The following TMEM8B variants were observed in gnomAD, a reference collection of about 807,000 sequenced individuals.
TMEM8B encodes the protein nasopharyngeal carcinoma expressed 6.
In TMEM8B, 29 loss-of-function variants were observed where a neutral mutation model predicts 49.3. That is an observed-to-expected ratio of 0.59 (90% confidence interval 0.44 to 0.80). TMEM8B has a LOEUF of 0.80. Ranked by LOEUF, TMEM8B falls within the 30% of genes least tolerant of loss-of-function variation. The probability of loss-of-function intolerance (pLI) is 0.00; values close to 1 mark genes in which losing one functional copy is unlikely to be tolerated. For missense variants in TMEM8B, 575 were observed against 658.5 expected (o/e 0.87, Z 1.39); for synonymous variants, 264 against 272.8 (o/e 0.97, Z 0.32).
intron 10 of TMEM8B, 167 bp downstream of exon 10, chr9:35,847,162 G>C: frequency 6.2e-7 from 1 of 1,607,378 alleles, no homozygotes. Context: ...ATAGATAATG[G>C]TCATTTTTGT....
chr9:35,835,458 G>A lies in TMEM8B; in HGVS notation c.906+240G>A, dbSNP rs1383318037. The stretch of plus-strand genomic sequence containing the variant: ...TGGGTCCAGGTAAGCTGAAGGGAAA[G>A]TTGAGAATCTGGAGTCAGAGGCTCT... On this transcript the variant is annotated intron_variant, in intron 3 of 12. Transcript: ENST00000643932. 1.1e-5 allele frequency: 4 copies of A among 369,650 alleles called. No individual in the cohort carries two copies. The East Asian group carries it at 1.6e-4, about 15-fold the overall frequency. 22.9% of individuals were successfully genotyped at this position (369,650 alleles called of 1,614,324 possible).
intron 10 of TMEM8B, among the ~76,000 whole-genome samples, chr9:35,851,381 G>A (rs1162157312): frequency 1.3e-5 from 2 of 152,172 alleles, no homozygotes; most frequent in East Asian, 1.9e-4. Flanking sequence ...CTGGGCTCAA[G>A]TGATCTGCCC....
Position 35,842,419 on chromosome 9 carries a change from C to A in TMEM8B, c.1337C>A (p.Ala446Asp). The A allele has an allele frequency of 6.5e-7, 1 of 1,545,002 alleles. No homozygotes were observed. Among genetic ancestry groups the A allele is most frequent in the Non-Finnish European group, 8.7e-7 (1 of 1,143,308 alleles). Residue 446 changes from alanine (A) to aspartate (D), a missense_variant, in exon 6 of 13, where the codon GCC becomes GAC. Transcript: ENST00000643932. The surrounding 1 kb of genome is among the most constrained non-coding windows in gnomAD (Gnocchi z 5.6). ...QECPQPGLLR[A>D]LVPGAAMNMP... Reference sequence around the variant, plus strand: ...TGCCCACAGCCCGGCCTGCTCCGAGCCCTGGTCCCTGGAGCTGCCATGAAC... The same window carrying A: ...TGCCCACAGCCCGGCCTGCTCCGAGACCTGGTCCCTGGAGCTGCCATGAAC...
At chr9:35,845,325 A>G (rs1211099949) in intron 6 of TMEM8B, 1 of 890,826 alleles carries the variant, frequency 1.1e-6, no homozygotes, top group Non-Finnish European at 1.3e-6. Context: ...AGTTTCCCTC[A>G]GGCATTTATT....
Position 35,863,967 on chromosome 9 carries a change from G to A in TMEM8B, c.*10127G>A, listed in dbSNP as rs961591272. 1 of 152,238 alleles carries A rather than the reference G, an allele frequency of 6.6e-6. No homozygotes were observed. Among genetic ancestry groups the A allele is most frequent in the African/African-American group, 2.4e-5 (1 of 41,442 alleles). 9.4% of individuals were successfully genotyped at this position (152,238 alleles called of 1,614,324 possible). ...CTCGGTCATGGCCTGGAAGATCAGA[G>A]TCACAGAGGGATAGGACCTGGAGTG... On this transcript the variant is annotated 3_prime_UTR_variant, in exon 13 of 13. Coordinates refer to ENST00000643932, the MANE Select transcript of TMEM8B (RefSeq NM_001042590.4).
intron 1 of TMEM8B, among the ~76,000 whole-genome samples, chr9:35,831,326 A>G (rs760681532): frequency 1.3e-5 from 2 of 152,172 alleles, no homozygotes; most frequent in African/African-American, 2.4e-5. Flanking sequence ...TGGCCCATGT[A>G]CATTCCTCTT....
rs10699262 is a variant in TMEM8B, at chr9:35,854,675, T to TG, written c.*835_*836insG. The TG allele has an allele frequency of 1.3e-5, 2 of 151,968 alleles. No individual in the cohort carries two copies. Among genetic ancestry groups the TG allele is most frequent in the Non-Finnish European group, 2.9e-5 (2 of 68,012 alleles). 9.4% of individuals were successfully genotyped at this position (151,968 alleles called of 1,614,324 possible). A position where few individuals can be genotyped will look rare whatever the true frequency, so the allele number is the denominator to read the frequency against. ...AGGGGTGTGTGTGTGTGTGTGTGTGTTTATGTATGTATACGTATGCTGAGA... is the reference window on the plus strand; with the variant it reads ...AGGGGTGTGTGTGTGTGTGTGTGTGTGTTATGTATGTATACGTATGCTGAGA... On this transcript the variant is annotated 3_prime_UTR_variant, in exon 13 of 13. Transcript: ENST00000643932.
At chr9:35,839,445 C>T (rs1040665762) in intron 3 of TMEM8B, among the ~76,000 whole-genome samples, 7 of 152,164 alleles carry the variant, frequency 4.6e-5, no homozygotes, top group South Asian at 2.1e-4. Flanking sequence ...CACTGGGTGA[C>T]GGTTCCCTGC....
chr9:35,847,461 C>T (rs765613947), intron 10 of TMEM8B, among the ~76,000 whole-genome samples: 3 of 152,222 alleles, frequency 2.0e-5, no homozygotes, highest in Non-Finnish European at 2.9e-5. Flanking sequence ...TCCCCTTCTC[C>T]GTCGCACTGG....
chr9:35,836,488 C>T (rs1486011952), intron 3 of TMEM8B, among the ~76,000 whole-genome samples: 2 of 152,240 alleles, frequency 1.3e-5, no homozygotes, highest in Non-Finnish European at 2.9e-5. Context: ...TGAAGCCTGG[C>T]TCTAGTTATC....
At chr9:35,833,423 C>T (rs1334044308) in intron 1 of TMEM8B, 13 of 958,408 alleles carry the variant, frequency 1.4e-5, no homozygotes, top group Non-Finnish European at 1.6e-5. Flanking sequence ...GAGACCTTGC[C>T]TGCCATTTGG....
In TMEM8B at chr9:35,841,558, C is replaced by T. The variant is rs1830989393; in HGVS notation, c.1073C>T (p.Ser358Leu). The T allele has an allele frequency of 2.4e-6, 1 of 417,034 alleles. No homozygotes were observed. The highest frequency in any genetic ancestry group is 3.6e-5 in the East Asian group (1 of 28,096). The allele number at this position is 417,034 out of a possible 1,614,324, so 25.8% of individuals were successfully genotyped here. Residue 358 changes from serine to leucine, a missense_variant, in exon 5 of 13, where the codon TCA becomes TTA. Physicochemically the swap from Ser to Leu is moderately radical, Grantham distance 145. Transcript: ENST00000643932. This position sits in a 1 kb window ranked among gnomAD's most constrained non-coding sequence, Gnocchi z 5.9. ...VFVPSFTYRVSAQLVCVGGRG... is the reference protein window; with the variant it reads ...VFVPSFTYRVLAQLVCVGGRG... ...GTGCCCAGCTTCACTTACAGGGTTT[C>T]AGCACAGCTGGTGTGTGTGGGGGGC...
At position 35,846,301 on chromosome 9, in the gene TMEM8B, G is replaced by C. The variant is rs2132341455; in HGVS notation, c.1773G>C (p.Arg591Ser). The change falls in exon 8 of 13, where the codon AGG (arginine) becomes AGC (serine). Residue 591 changes from arginine (R) to serine (S), a missense_variant. Physicochemically the swap from Arg to Ser is moderately radical, Grantham distance 110 (BLOSUM62 -1). Coordinates refer to ENST00000643932, the MANE Select transcript of TMEM8B (RefSeq NM_001042590.4). ...GFLLSVSATT[R>S]VARLRIPFPQ... is the part of the protein sequence containing the mutation. Reference sequence around the variant, plus strand: ...TCCTCTCTGTCAGTGCCACCACCAGGGTTGCCAGGCTGCGAATCCCATTCC... The same window carrying C: ...TCCTCTCTGTCAGTGCCACCACCAGCGTTGCCAGGCTGCGAATCCCATTCC... 1 of 1,614,226 alleles carries C rather than the reference G, an allele frequency of 6.2e-7. No individual in the cohort carries two copies. The highest frequency in any genetic ancestry group is 2.2e-5 in the East Asian group (1 of 44,884).
In TMEM8B at chr9:35,853,911, T is replaced by C; in HGVS notation, c.*71T>C. 1 of 1,469,306 alleles carries C rather than the reference T, an allele frequency of 6.8e-7. No individual in the cohort carries two copies. The allele number at this position is 1,469,306 out of a possible 1,614,324, so 91.0% of individuals were successfully genotyped here. On this transcript the variant is annotated 3_prime_UTR_variant, in exon 13 of 13. Coordinates refer to ENST00000643932, the MANE Select transcript of TMEM8B (RefSeq NM_001042590.4). This position sits in a 1 kb window ranked among gnomAD's most constrained non-coding sequence, Gnocchi z 4.2. Reference sequence around the variant, plus strand: ...AGTTCTTTCTGGGGGTGTGGAGCCCTCTTAGAAGGAGACAGGCTGTATTTC... The same window carrying C: ...AGTTCTTTCTGGGGGTGTGGAGCCCCCTTAGAAGGAGACAGGCTGTATTTC...
At position 35,829,255 on chromosome 9, in the gene TMEM8B, C is replaced by A. The variant is rs1829578790; in HGVS notation, c.-193C>A. The stretch of plus-strand genomic sequence containing the variant: ...GCCGACGTCAAGTCGAGGCCGCCGC[C>A]GCGGGGCCTGGTTATCGCCGGTTCA... On this transcript the variant is annotated 5_prime_UTR_variant, in exon 1 of 13. Coordinates refer to ENST00000643932, the MANE Select transcript of TMEM8B (RefSeq NM_001042590.4). 1 of 353,172 alleles carries A rather than the reference C, an allele frequency of 2.8e-6. No homozygotes were observed. Among genetic ancestry groups the A allele is most frequent in the Non-Finnish European group, 5.1e-6 (1 of 196,070 alleles). The allele number at this position is 353,172 out of a possible 1,614,324, so 21.9% of individuals were successfully genotyped here.
At chr9:35,843,113 A>G (rs1308500232) in intron 6 of TMEM8B, among the ~76,000 whole-genome samples, 1 of 152,190 alleles carries the variant, frequency 6.6e-6, no homozygotes, top group Non-Finnish European at 1.5e-5. Flanking sequence ...TCCCATCAAA[A>G]TCTGTCTCCA....
intron 1 of TMEM8B, among the ~76,000 whole-genome samples, chr9:35,832,867 G>T (rs1830051115): frequency 1.3e-5 from 2 of 152,168 alleles, no homozygotes; most frequent in Admixed American, 6.5e-5. Context: ...TCTTCCATCA[G>T]TCGGTCCCAT....
chr9:35,858,384 CCT>C lies in TMEM8B; in HGVS notation c.*4545_*4546del, dbSNP rs1832590163. 2.0e-5 allele frequency: 3 copies of C among 152,488 alleles called. No individual in the cohort carries two copies. In the South Asian group the frequency reaches 6.2e-4, roughly 32 times the overall value. 9.4% of individuals were successfully genotyped at this position (152,488 alleles called of 1,614,324 possible). On this transcript the variant is annotated 3_prime_UTR_variant, in exon 13 of 13. Transcript: ENST00000643932. ...GGGATTACAGGTATGAGCCACCACA[CCT>C]GGCCCACTTTTGCCTTCCAAATCAC... is the stretch of plus-strand genomic sequence containing the variant.
chr9:35,857,636 A>G lies in TMEM8B; in HGVS notation c.*3796A>G, dbSNP rs977099662. The G allele has an allele frequency of 1.6e-4, 24 of 152,342 alleles. No homozygotes were observed. Among genetic ancestry groups the G allele is most frequent in the African/African-American group, 5.3e-4 (22 of 41,572 alleles). The allele number at this position is 152,342 out of a possible 1,614,324, so 9.4% of individuals were successfully genotyped here. ...GACTTAATGGTAATGGGAGCTGTCAAAAGTCCTTGATCAGAAGAGTGATGA... is the reference window on the plus strand; with the variant it reads ...GACTTAATGGTAATGGGAGCTGTCAGAAGTCCTTGATCAGAAGAGTGATGA... On this transcript the variant is annotated 3_prime_UTR_variant, in exon 13 of 13. Transcript: ENST00000643932.
Sources: gnomAD v4.1 joint callset for allele counts (sites outside exome capture counted in the v4.1 genomes callset) on GRCh38, gnomAD v4.1.1 for gene constraint, Gnocchi (gnomAD v3.1) non-coding constraint, MANE v1.5 for transcripts, NCBI Gene and HGNC (gene_info 2026-07-23, HGNC 2026-07-21) for gene names.